The following SBF2 variants were observed in gnomAD, a reference collection of about 807,000 sequenced individuals.
SBF2 encodes the protein myotubularin-related protein 13.
In SBF2, 112 loss-of-function variants were observed where a neutral mutation model predicts 225.2. That is an observed-to-expected ratio of 0.50 (90% CI 0.43 to 0.58). The LOEUF is 0.58. Among genes scored for constraint, SBF2 ranks in the 20% least tolerant of loss-of-function variants. The pLI, the probability that SBF2 is intolerant of heterozygous loss-of-function variation, is 0.00. For synonymous variants in SBF2, 763 were observed against 773.3 expected, an observed-to-expected ratio of 0.99 and a Z score of 0.22; for missense variants, 1,996 against 2,206.2, an observed-to-expected ratio of 0.90 and a Z score of 1.91.
chr11:10,049,568 T>C (rs1393910253), intron 2 of SBF2, among the ~76,000 whole-genome samples: 1 of 152,014 alleles, frequency 6.6e-6, no homozygotes, highest in Admixed American at 6.6e-5. Context: ...GATCGCGCTA[T>C]TGCACTCCAG....
rs550000920 is a variant in SBF2, at chr11:9,789,714, A to C, written c.4699-372T>G. 6.3e-4 allele frequency among the ~76,000 whole-genome samples: 96 copies of C among 152,244 alleles called. No individual in the cohort carries two copies. The South Asian group carries it at 0.01, about 16-fold the overall frequency. On this transcript the variant is annotated intron_variant, in intron 34 of 39. Transcript: ENST00000256190. ...CTTACATTCTAAGGGTCTTAACATG[A>C]ATCATTATGTATACCCCAGCCCACA...
intron 36 of SBF2, among the ~76,000 whole-genome samples, 185 bp downstream of exon 36, chr11:9,787,449 C>T (rs1852447371): frequency 6.6e-6 from 1 of 152,152 alleles, no homozygotes; most frequent in Non-Finnish European, 1.5e-5. Flanking sequence ...AAGTGAGACA[C>T]TCAGGAAGTA....
At chr11:10,159,677 T>A (rs1314174429) in intron 2 of SBF2, among the ~76,000 whole-genome samples, 1 of 152,112 alleles carries the variant, frequency 6.6e-6, no homozygotes, top group African/African-American at 2.4e-5. Flanking sequence ...CCAAGGCAGG[T>A]GGATCACGAG....
chr11:9,781,680 G>T (rs1315952867), intron 38 of SBF2, 42 bp from the exon 39 acceptor site: 1 of 1,613,076 alleles, frequency 6.2e-7, no homozygotes, highest in African/African-American at 1.3e-5. Flanking sequence ...GAGACAGAAA[G>T]AGAAAATGCC....
chr11:9,910,959 T>G (rs1230015140), intron 16 of SBF2, among the ~76,000 whole-genome samples: 2 of 150,368 alleles, frequency 1.3e-5, no homozygotes, highest in Admixed American at 1.3e-4. Context: ...CTCAGGAGGC[T>G]GAGGCAGGGG....
intron 25 of SBF2, among the ~76,000 whole-genome samples, chr11:9,842,227 A>G (rs1856209674): frequency 6.6e-6 from 1 of 152,220 alleles, no homozygotes; most frequent in Non-Finnish European, 1.5e-5. Context: ...TAAGAGCACC[A>G]ACAATGTTCT....
chr11:9,906,113 T>C (rs1346117256), intron 16 of SBF2, among the ~76,000 whole-genome samples: 1 of 152,208 alleles, frequency 6.6e-6, no homozygotes, highest in African/African-American at 2.4e-5. Flanking sequence ...GACACTGCTA[T>C]GCACAAGAAT....
chr11:9,853,800 AC>A, intron 19 of SBF2, 88 bp from the exon 20 acceptor site: 1 of 1,246,288 alleles, frequency 8.0e-7, no homozygotes, highest in Non-Finnish European at 1.2e-6. Context: ...AGCGACAGAA[AC>A]ATGAGCAAAG....
chr11:9,855,520 C>G (rs991327822), intron 19 of SBF2, among the ~76,000 whole-genome samples: 1 of 152,098 alleles, frequency 6.6e-6, no homozygotes, highest in African/African-American at 2.4e-5. Flanking sequence ...CACTGAAGCT[C>G]TAAGGATAGA....
At chr11:10,081,328 T>C (rs754759029) in intron 2 of SBF2, among the ~76,000 whole-genome samples, 1 of 152,088 alleles carries the variant, frequency 6.6e-6, no homozygotes, top group Non-Finnish European at 1.5e-5. Context: ...GAATGATCTA[T>C]GGGTCAACAA....
At chr11:9,922,695 C>G (rs952450857) in intron 16 of SBF2, among the ~76,000 whole-genome samples, 3 of 152,162 alleles carry the variant, frequency 2.0e-5, no homozygotes, top group African/African-American at 7.2e-5. Context: ...GAAACATACC[C>G]TTGTAACTGA....
intron 2 of SBF2, among the ~76,000 whole-genome samples, chr11:10,171,543 A>G (rs56244748): frequency 0.055 from 8,324 of 152,154 alleles, 315 homozygotes; most frequent in Middle Eastern, 0.14. Flanking sequence ...GTTTGCTAAG[A>G]TTTTATTGAG....
intron 16 of SBF2, among the ~76,000 whole-genome samples, chr11:9,943,546 A>G (rs1865403246): frequency 6.6e-6 from 1 of 152,176 alleles, no homozygotes; most frequent in South Asian, 2.1e-4. Context: ...AAAAAGAAAC[A>G]ATGCGAAAGA....
chr11:9,907,511 AT>A (rs1235594349), intron 16 of SBF2, among the ~76,000 whole-genome samples: 1 of 152,124 alleles, frequency 6.6e-6, no homozygotes, highest in Non-Finnish European at 1.5e-5. Flanking sequence ...AGGCAAAAGG[AT>A]TTTTTTATTA....
At chr11:10,018,974 T>C (rs1457279963) in intron 6 of SBF2, among the ~76,000 whole-genome samples, 1 of 152,168 alleles carries the variant, frequency 6.6e-6, no homozygotes, top group East Asian at 1.9e-4. Context: ...AATGCCCTTA[T>C]TTTACTTTTC....
At chr11:9,884,579 T>C (rs974120788) in intron 17 of SBF2, among the ~76,000 whole-genome samples, 95 of 152,328 alleles carry the variant, frequency 6.2e-4, no homozygotes, top group African/African-American at 2.2e-3. Flanking sequence ...TACTTTCTCC[T>C]TATCCTAAGG....
At chr11:9,930,061 G>C (rs976848408) in intron 16 of SBF2, among the ~76,000 whole-genome samples, 3 of 151,948 alleles carry the variant, frequency 2.0e-5, no homozygotes, top group Admixed American at 2.0e-4. Context: ...CTAGGTGATG[G>C]GTTGACAGGT....
chr11:9,974,981 A>G (rs965791816), intron 13 of SBF2, among the ~76,000 whole-genome samples: 10 of 75,034 alleles, frequency 1.3e-4, no homozygotes, highest in Middle Eastern at 6.2e-3. Flanking sequence ...AAAAAAAAAA[A>G]AAAAAAAGAA....
intron 2 of SBF2, among the ~76,000 whole-genome samples, chr11:10,072,929 C>CATT (rs1422420572): frequency 6.6e-6 from 1 of 150,810 alleles, no homozygotes. Context: ...TCATCATCAT[C>CATT]ATTATTTTTG....
Sources: gnomAD v4.1 joint callset for allele counts (sites outside exome capture counted in the v4.1 genomes callset) on GRCh38, gnomAD v4.1.1 for gene constraint, MANE v1.5 for transcripts, NCBI Gene and HGNC (gene_info 2026-07-23, HGNC 2026-07-21) for gene names.